NEDD9: variants seen among roughly 807,000 people sequenced by gnomAD.
NEDD9 encodes the protein enhancer of filamentation 1.
Under a neutral mutation model 76.6 loss-of-function variants are expected in NEDD9, and 26 were observed. That is an observed-to-expected ratio of 0.34 (90% CI 0.25 to 0.47). The LOEUF (loss-of-function observed/expected upper bound fraction) is 0.47, where lower values mean the gene tolerates loss of function less well. NEDD9 is among the 20% of genes least tolerant of loss of function. The pLI is 1.00. For missense variants in NEDD9, 937 were observed against 1,058.5 expected, an observed-to-expected ratio of 0.89 and a Z score of 1.59; for synonymous variants, 392 against 414.2, an observed-to-expected ratio of 0.95 and a Z score of 0.65.
chr6:11,263,459 A>G (rs901951618), intron 3 of NEDD9, among the ~76,000 whole-genome samples: 2 of 152,202 alleles, frequency 1.3e-5, no homozygotes, highest in Non-Finnish European at 2.9e-5. Flanking sequence ...AAAGTAGTGG[A>G]AAAAAACCCT....
Position 11,188,296 on chromosome 6 carries a change from C to G in NEDD9, c.1917G>C (p.Glu639Asp). ...ATAGCTCTTTCTGTTGCCTCTCAAACTCCTCCTTACCCTGTTAATTTTCAA... is the reference window on the plus strand; with the variant it reads ...ATAGCTCTTTCTGTTGCCTCTCAAAGTCCTCCTTACCCTGTTAATTTTCAA... Reference protein sequence around the residue: ...YDYVHLQGKEEFERQQKELLE... With the variant: ...YDYVHLQGKEDFERQQKELLE... The change falls in exon 6 of 7, where the codon GAG (glutamate) becomes GAC (aspartate). Residue 639 changes from glutamate to aspartate, a missense_variant. Glu to Asp is a conservative substitution (Grantham distance 45). Coordinates refer to ENST00000379446, the MANE Select transcript of NEDD9 (RefSeq NM_006403.4). 1 of 1,613,570 alleles carries G rather than the reference C, an allele frequency of 6.2e-7. No individual in the cohort carries two copies. The highest frequency in any genetic ancestry group is 8.5e-7 in the Non-Finnish European group (1 of 1,179,438).
chr6:11,202,033 G>A (rs761524329), intron 2 of NEDD9, among the ~76,000 whole-genome samples: 7 of 138,812 alleles, frequency 5.0e-5, no homozygotes, highest in Non-Finnish European at 9.2e-5. Context: ...GATGTGCTCA[G>A]GAAATAACAA....
intron 2 of NEDD9, among the ~76,000 whole-genome samples, chr6:11,322,031 A>G (rs1761819455): frequency 6.6e-6 from 1 of 152,218 alleles, no homozygotes; most frequent in South Asian, 2.1e-4. Flanking sequence ...TTACAGGGAC[A>G]TGGATGAAGC....
intron 3 of NEDD9, among the ~76,000 whole-genome samples, chr6:11,264,485 G>C (rs959759863): frequency 6.6e-6 from 1 of 152,176 alleles, no homozygotes; most frequent in African/African-American, 2.4e-5. Flanking sequence ...TAAGAAAGCA[G>C]GAGGCAGATA....
At chr6:11,271,124 C>T (rs1215783684) in intron 3 of NEDD9, among the ~76,000 whole-genome samples, 1 of 152,226 alleles carries the variant, frequency 6.6e-6, no homozygotes, top group Non-Finnish European at 1.5e-5. Context: ...GCCTCCATCT[C>T]CTGGGCTCAA....
rs1331753330 is a variant in NEDD9 at position 11,213,385 on chromosome 6, G to C, written c.355C>G (p.Gln119Glu). ...TGGGTGCCGTGGCCAGTGGGGACTTGGTAAATTCCCTGATTTTGGTAGGAA... is the reference window on the plus strand; with the variant it reads ...TGGGTGCCGTGGCCAGTGGGGACTTCGTAAATTCCCTGATTTTGGTAGGAA... Reference protein sequence around the residue: ...PPSYQNQGIYQVPTGHGTQEQ... With the variant: ...PPSYQNQGIYEVPTGHGTQEQ... The change falls in exon 2 of 7, where the codon CAA (glutamine) becomes GAA (glutamate). Residue 119 changes from glutamine to glutamate, a missense_variant. Physicochemically the swap from Gln to Glu is conservative, Grantham distance 29 (BLOSUM62 2). Transcript: ENST00000379446. The surrounding 1 kb of genome is among the most constrained non-coding windows in gnomAD (Gnocchi z 5.4). 1.2e-6 allele frequency: 2 copies of C among 1,613,830 alleles called. No individual in the cohort carries two copies. The highest frequency in any genetic ancestry group is 1.7e-6 in the Non-Finnish European group (2 of 1,180,016).
chr6:11,214,143 T>G, intron 1 of NEDD9: 2 of 513,136 alleles, frequency 3.9e-6, no homozygotes, highest in Non-Finnish European at 7.7e-6. Flanking sequence ...TGTTCTATAT[T>G]GGAGGTGAAA....
intron 3 of NEDD9, among the ~76,000 whole-genome samples, chr6:11,292,557 T>G (rs527855187): frequency 1.4e-4 from 21 of 152,354 alleles, no homozygotes; most frequent in African/African-American, 3.8e-4. Context: ...CTTCTCATTT[T>G]CCAGACAAGC....
intron 2 of NEDD9, among the ~76,000 whole-genome samples, chr6:11,319,744 A>T (rs375951618): frequency 7.9e-6 from 1 of 126,432 alleles, no homozygotes; most frequent in Non-Finnish European, 1.7e-5. Context: ...ACATGCACAC[A>T]CACACTAACA....
chr6:11,294,011 G>GTGTGTGTGTGTGTATGTGTGTA (rs1760835927), intron 3 of NEDD9, among the ~76,000 whole-genome samples: 1 of 151,330 alleles, frequency 6.6e-6, no homozygotes, highest in Non-Finnish European at 1.5e-5. Context: ...GTGTAAGTGT[G>GTGTGTGTGTGTGTATGTGTGTA]TGTGTGTGTG....
chr6:11,279,009 T>C (rs1760474737), intron 3 of NEDD9, among the ~76,000 whole-genome samples: 1 of 151,888 alleles, frequency 6.6e-6, no homozygotes, highest in Non-Finnish European at 1.5e-5. Context: ...AGACATCTTA[T>C]TATTTTTATT....
intron 3 of NEDD9, among the ~76,000 whole-genome samples, chr6:11,264,279 G>A (rs1303248667): frequency 6.6e-6 from 1 of 152,182 alleles, no homozygotes; most frequent in African/African-American, 2.4e-5. Flanking sequence ...ACAGGAGCAT[G>A]CCCAGGCTGC....
intron 3 of NEDD9, among the ~76,000 whole-genome samples, chr6:11,264,092 G>T (rs1192208080): frequency 2.0e-5 from 3 of 152,242 alleles, no homozygotes; most frequent in Non-Finnish European, 2.9e-5. Flanking sequence ...TTCCCCGGAT[G>T]TGGAAGGCAG....
chr6:11,319,619 A>ACG (rs33999916), intron 2 of NEDD9, among the ~76,000 whole-genome samples: 68,329 of 146,902 alleles, frequency 0.47, 16,051 homozygotes, highest in East Asian at 0.74. Context: ...ACTCACACTC[A>ACG]CACACACACA....
chr6:11,188,153 C>T (rs916664232), intron 6 of NEDD9, 65 bp downstream of exon 6: 11 of 1,208,660 alleles, frequency 9.1e-6, no homozygotes, highest in Admixed American at 6.8e-5. Context: ...GAAGTGATAC[C>T]TTTCCTTAGT....
Position 11,190,685 on chromosome 6 carries a change from G to A in NEDD9, c.1184C>T (p.Ser395Phe), listed in dbSNP as rs748028305. 1.5e-5 allele frequency: 25 copies of A among 1,614,058 alleles called. No individual in the cohort carries two copies. In the East Asian group the frequency reaches 5.1e-4, roughly 33 times the overall value. ...TSSKESSLSA[S>F]PAQDKRLFLD... Reference sequence around the variant, plus strand: ...GAAGAGCCTTTTGTCCTGAGCTGGGGAGGCTGACAGTGAGGACTCCTTGGA... The same window carrying A: ...GAAGAGCCTTTTGTCCTGAGCTGGGAAGGCTGACAGTGAGGACTCCTTGGA... Residue 395 changes from serine to phenylalanine, a missense_variant, in exon 5 of 7, where the codon TCC becomes TTC. By Grantham distance (155) the Ser-to-Phe change is radical. Coordinates refer to ENST00000379446, the MANE Select transcript of NEDD9 (RefSeq NM_006403.4). This position sits in a 1 kb window ranked among gnomAD's most constrained non-coding sequence, Gnocchi z 5.8.
chr6:11,235,815 G>C (rs1759588131), upstream of NEDD9, among the ~76,000 whole-genome samples: 1 of 152,106 alleles, frequency 6.6e-6, no homozygotes, highest in Non-Finnish European at 1.5e-5. This position sits in a 1 kb window ranked among gnomAD's most constrained non-coding sequence, Gnocchi z 4.1. Context: ...TGCTTAGCGT[G>C]GGGTACACAG....
intron 3 of NEDD9, among the ~76,000 whole-genome samples, chr6:11,253,325 T>A (rs1366293294): frequency 1.3e-5 from 2 of 152,192 alleles, no homozygotes; most frequent in Non-Finnish European, 2.9e-5. Flanking sequence ...TCTGGCCTCC[T>A]CCATTGAGGT....
intron 2 of NEDD9, among the ~76,000 whole-genome samples, chr6:11,195,918 C>A (rs1050783642): frequency 5.3e-5 from 8 of 151,636 alleles, no homozygotes; most frequent in African/African-American, 1.9e-4. Flanking sequence ...CACTTGAATT[C>A]GAGAGGCGGA....
Sources: allele counts gnomAD v4.1 joint callset (sites outside exome capture counted in the v4.1 genomes callset), GRCh38; gene constraint gnomAD v4.1.1; non-coding constraint Gnocchi (gnomAD v3.1); transcripts MANE v1.5; gene names NCBI Gene and HGNC (gene_info 2026-07-23, HGNC 2026-07-21).